Variants in PCDH15 observed in about 807,000 individuals in gnomAD.
The protein encoded by PCDH15 is protocadherin-15.
Under a neutral mutation model 178.5 loss-of-function variants are expected in PCDH15, and 129 were observed. That is an observed-to-expected ratio of 0.72 (90% confidence interval 0.63 to 0.84). The LOEUF (loss-of-function observed/expected upper bound fraction) is 0.84. PCDH15 is among the 40% of genes least tolerant of loss of function. The pLI is 0.00. For synonymous variants in PCDH15, 800 were observed against 732.0 expected (o/e 1.09, Z -1.50); for missense variants, 2,230 against 2,099.9 (o/e 1.06, Z -1.21).
intron 17 of PCDH15, among the ~76,000 whole-genome samples, chr10:54,075,784 T>G (rs10825217): frequency 1.8e-4 from 27 of 152,106 alleles, no homozygotes; most frequent in Middle Eastern, 3.4e-3. Context: ...TTTTTGGATT[T>G]TCTATTAAAT....
At chr10:54,280,311 C>T (rs1175986973) in intron 8 of PCDH15, among the ~76,000 whole-genome samples, 4 of 146,732 alleles carry the variant, frequency 2.7e-5, no homozygotes, top group Non-Finnish European at 6.0e-5. Flanking sequence ...TAGAGCAGTT[C>T]AGTGGAATGA....
intron 6 of PCDH15, among the ~76,000 whole-genome samples, chr10:54,330,373 G>A (rs989410029): frequency 6.6e-5 from 10 of 151,818 alleles, no homozygotes. Flanking sequence ...TGTACTGAAT[G>A]CTATAGGCAA....
At chr10:54,390,603 C>T (rs924196414) in intron 3 of PCDH15, among the ~76,000 whole-genome samples, 2 of 152,222 alleles carry the variant, frequency 1.3e-5, no homozygotes, top group South Asian at 2.1e-4. Context: ...CCAACCTATA[C>T]CTGTTTTGTA....
chr10:55,410,871 T>C (rs1838314952), intron 2 of PCDH15, among the ~76,000 whole-genome samples: 1 of 152,106 alleles, frequency 6.6e-6, no homozygotes, highest in African/African-American at 2.4e-5. Flanking sequence ...GGGCTATTAC[T>C]AGACATGTAC....
chr10:54,753,542 C>G (rs1252441267), intron 1 of PCDH15, among the ~76,000 whole-genome samples: 1 of 152,076 alleles, frequency 6.6e-6, no homozygotes, highest in Non-Finnish European at 1.5e-5. Flanking sequence ...ACATTCTCAC[C>G]CCATCAACTT....
chr10:54,107,103 C>T (rs892290917), intron 15 of PCDH15, among the ~76,000 whole-genome samples: 5 of 152,030 alleles, frequency 3.3e-5, no homozygotes, highest in African/African-American at 4.8e-5. Flanking sequence ...TTAATTTTCA[C>T]GTATTAATAT....
intron 1 of PCDH15, among the ~76,000 whole-genome samples, chr10:55,182,965 C>A (rs1839691878): frequency 6.6e-6 from 1 of 151,910 alleles, no homozygotes; most frequent in African/African-American, 2.4e-5. Flanking sequence ...AACTGTGCAG[C>A]CCAGATAGAA....
chr10:54,263,093 C>T (rs1055219322), intron 8 of PCDH15, among the ~76,000 whole-genome samples: 1 of 152,172 alleles, frequency 6.6e-6, no homozygotes, highest in Non-Finnish European at 1.5e-5. Flanking sequence ...TTTTCTTTGT[C>T]TCATGTTGTG....
intron 25 of PCDH15, among the ~76,000 whole-genome samples, chr10:53,930,259 T>C (rs944507828): frequency 3.3e-5 from 5 of 151,590 alleles, no homozygotes; most frequent in Middle Eastern, 3.5e-3. Context: ...GAGATCGAGA[T>C]CATCCTGGCT....
chr10:54,694,070 C>G (rs764708466), intron 1 of PCDH15, among the ~76,000 whole-genome samples: 50 of 151,718 alleles, frequency 3.3e-4, no homozygotes, highest in Non-Finnish European at 6.3e-4. Context: ...TGTGGTAATT[C>G]CAGAATGAAA....
At chr10:54,542,143 G>A (rs898460484) in intron 2 of PCDH15, among the ~76,000 whole-genome samples, 1 of 152,188 alleles carries the variant, frequency 6.6e-6, no homozygotes, top group African/African-American at 2.4e-5. Context: ...ACAAGGTACG[G>A]GATGTTGAAG....
At chr10:54,897,281 G>A (rs1353196538) in intron 3 of PCDH15, among the ~76,000 whole-genome samples, 1 of 152,160 alleles carries the variant, frequency 6.6e-6, no homozygotes, top group Non-Finnish European at 1.5e-5. Context: ...TTTCAATAAA[G>A]GGAAAGAACA....
intron 1 of PCDH15, among the ~76,000 whole-genome samples, chr10:55,295,115 G>T (rs2132272126): frequency 6.6e-6 from 1 of 152,244 alleles, no homozygotes; most frequent in South Asian, 2.1e-4. Flanking sequence ...AAAGTTTTGT[G>T]TCAACATCAT....
chr10:54,364,995 T>TCTC (rs1393514382), intron 5 of PCDH15, among the ~76,000 whole-genome samples: 1 of 152,112 alleles, frequency 6.6e-6, no homozygotes, highest in Non-Finnish European at 1.5e-5. Context: ...TTGTCTTTGA[T>TCTC]CTCCCCTTAT....
intron 2 of PCDH15, among the ~76,000 whole-genome samples, chr10:55,151,132 G>C (rs889318840): frequency 2.0e-5 from 3 of 152,052 alleles, no homozygotes; most frequent in African/African-American, 7.2e-5. Flanking sequence ...AAATTAAAAA[G>C]AGGAGACAAA....
At chr10:54,806,549 T>A (rs1952780790) in intron 3 of PCDH15, among the ~76,000 whole-genome samples, 1 of 150,928 alleles carries the variant, frequency 6.6e-6, no homozygotes, top group Admixed American at 6.6e-5. Flanking sequence ...AGTGGTGTGA[T>A]CTCGGCTCAT....
chr10:54,513,126 T>C (rs992737527), intron 3 of PCDH15, among the ~76,000 whole-genome samples: 3 of 152,048 alleles, frequency 2.0e-5, no homozygotes, highest in African/African-American at 7.2e-5. Context: ...AAAATATGAA[T>C]ACATAAAATA....
chr10:54,310,903 A>G (rs960395849), intron 8 of PCDH15, among the ~76,000 whole-genome samples: 3 of 152,062 alleles, frequency 2.0e-5, no homozygotes, highest in African/African-American at 7.2e-5. Flanking sequence ...GTACTTCCAT[A>G]AAAAAGCAAG....
At chr10:55,022,047 G>A (rs1840343821) in intron 2 of PCDH15, among the ~76,000 whole-genome samples, 2 of 152,148 alleles carry the variant, frequency 1.3e-5, no homozygotes, top group African/African-American at 4.8e-5. Context: ...AGTGGGGCAG[G>A]GGAATGGGAA....
Sources: gnomAD v4.1 joint callset for allele counts (sites outside exome capture counted in the v4.1 genomes callset) on GRCh38, gnomAD v4.1.1 for gene constraint, MANE v1.5 for transcripts, NCBI Gene and HGNC (gene_info 2026-07-23, HGNC 2026-07-21) for gene names.